Variants in CACNA1G observed in about 807,000 individuals in gnomAD.
CACNA1G encodes calcium voltage-gated channel subunit alpha1 G, also known as voltage-dependent T-type calcium channel subunit alpha-1G.
A neutral mutation model predicts 219.4 loss-of-function variants in CACNA1G; 67 were observed. The observed-to-expected ratio is 0.31, with a 90% CI of 0.25 to 0.37. CACNA1G has a LOEUF of 0.37. CACNA1G is among the 10% of genes least tolerant of loss of function. The probability of loss-of-function intolerance (pLI) is 1.00; values close to 1 mark genes in which losing one functional copy is unlikely to be tolerated. For synonymous variants in CACNA1G, 1,296 were observed against 1,345.3 expected (o/e 0.96, Z 0.80); for missense variants, 2,380 against 3,231.4 (o/e 0.74, Z 6.39).
At chr17:50,563,972 C>T (rs545955075) in intron 1 of CACNA1G, among the ~76,000 whole-genome samples, 42 of 152,258 alleles carry the variant, frequency 2.8e-4, no homozygotes, top group African/African-American at 1.0e-3. Flanking sequence ...AGGAGGGTCC[C>T]TGTACGCCTC....
chr17:50,594,856 T>C (rs943985907), intron 13 of CACNA1G, 137 bp from the exon 14 acceptor site: 1 of 613,808 alleles, frequency 1.6e-6, no homozygotes, highest in Non-Finnish European at 3.0e-6. Flanking sequence ...TGCCCCCCCA[T>C]TCCCCGTGTC....
chr17:50,567,800 G>A (rs981298955), intron 1 of CACNA1G, among the ~76,000 whole-genome samples: 32 of 152,268 alleles, frequency 2.1e-4, no homozygotes, highest in African/African-American at 5.1e-4. Context: ...TCCGGAGGCC[G>A]TTTTGTACAT....
At chr17:50,624,929 A>G (rs1001301103) in intron 37 of CACNA1G, among the ~76,000 whole-genome samples, 1 of 145,302 alleles carries the variant, frequency 6.9e-6, no homozygotes, top group Non-Finnish European at 1.5e-5. Context: ...GGCCAAGCCT[A>G]GGGCCCACCT....
chr17:50,573,233 G>A, intron 7 of CACNA1G, 120 bp downstream of exon 7: 1 of 709,068 alleles, frequency 1.4e-6, no homozygotes. Context: ...AAGTCCTGTA[G>A]AGAGGGCATC....
chr17:50,561,833 G>C (rs531288234), intron 1 of CACNA1G, 132 bp downstream of exon 1: 3 of 449,576 alleles, frequency 6.7e-6, no homozygotes, highest in East Asian at 6.7e-5. Flanking sequence ...GATGGGGGGG[G>C]GGCTGCCAGG....
At chr17:50,564,341 C>T (rs1019915383) in intron 1 of CACNA1G, among the ~76,000 whole-genome samples, 3 of 151,962 alleles carry the variant, frequency 2.0e-5, no homozygotes, top group African/African-American at 7.3e-5. Context: ...TCCGCATTCC[C>T]TCTCTGGCTG....
At chr17:50,619,464 C>G (rs1195476371) in intron 33 of CACNA1G, among the ~76,000 whole-genome samples, 1 of 152,056 alleles carries the variant, frequency 6.6e-6, no homozygotes, top group Non-Finnish European at 1.5e-5. Flanking sequence ...TCCCATCTCT[C>G]CTTCCTCCTT....
intron 26 of CACNA1G, among the ~76,000 whole-genome samples, chr17:50,612,633 C>T (rs142198244): frequency 1.7e-4 from 26 of 152,352 alleles, no homozygotes; most frequent in African/African-American, 5.5e-4. Context: ...CATTGCCACT[C>T]CCCTTTGCAA....
intron 8 of CACNA1G, 26 bp downstream of exon 8, chr17:50,576,352 G>C (rs752514138): frequency 2.6e-6 from 4 of 1,556,376 alleles, no homozygotes; most frequent in Non-Finnish European, 2.6e-6. Flanking sequence ...GGAGGCATGT[G>C]GGTGCCCTCG....
chr17:50,589,565 G>A lies in CACNA1G; in HGVS notation c.2302-906G>A, dbSNP rs532962540. On this transcript the variant is annotated intron_variant, in intron 9 of 37. Coordinates refer to ENST00000359106, the MANE Select transcript of CACNA1G (RefSeq NM_018896.5). ...CATTGCTAGGCACTTCATATTGAAAGCGAGGTCACTAGTGAGCTGGAATGG... is the reference window on the plus strand; with the variant it reads ...CATTGCTAGGCACTTCATATTGAAAACGAGGTCACTAGTGAGCTGGAATGG... Among the ~76,000 whole-genome samples the A allele has an allele frequency of 1.9e-4, 29 of 152,158 alleles. No homozygotes were observed. In the East Asian group the frequency reaches 2.1e-3, roughly 11 times the overall value.
rs1423890643 is a variant in CACNA1G at position 50,626,997 on chromosome 17, G to A, written c.*246G>A. On this transcript the variant is annotated 3_prime_UTR_variant, in exon 38 of 38. Coordinates refer to ENST00000359106, the MANE Select transcript of CACNA1G (RefSeq NM_018896.5). The surrounding 1 kb of genome is among the most constrained non-coding windows in gnomAD (Gnocchi z 4.3). ...GCAGCTGAGGTTCCCGACACCAGAA[G>A]CTGTTGGGAGAAAGCAATACGTTTG... The A allele has an allele frequency of 3.0e-6, 2 of 674,538 alleles. No individual in the cohort carries two copies. Among genetic ancestry groups the A allele is most frequent in the South Asian group, 3.0e-5 (2 of 66,776 alleles). The allele number at this position is 674,538 out of a possible 1,614,324, so 41.8% of individuals were successfully genotyped here.
Position 50,572,593 on chromosome 17 carries a change from G to C in CACNA1G, c.786G>C (p.Glu262Asp). The change falls in exon 6 of 38, where the codon GAG (glutamate) becomes GAC (aspartate). Residue 262 changes from glutamate to aspartate, a missense_variant. Transcript: ENST00000359106. ...ACCTGGAGCGCTATTACCAGACAGA[G>C]AACGAGGATGAGAGCCCCTTCATCT... ...SVDLERYYQTENEDESPFICS... is the reference protein window; with the variant it reads ...SVDLERYYQTDNEDESPFICS... 1 of 1,583,326 alleles carries C rather than the reference G, an allele frequency of 6.3e-7. No individual in the cohort carries two copies. Among genetic ancestry groups the C allele is most frequent in the African/African-American group, 1.3e-5 (1 of 74,258 alleles).
chr17:50,604,515 T>C (rs1443914007), intron 22 of CACNA1G, among the ~76,000 whole-genome samples: 1 of 152,238 alleles, frequency 6.6e-6, no homozygotes, highest in Non-Finnish European at 1.5e-5. Flanking sequence ...CTTCAGGCCA[T>C]GGGAGCCGCA....
rs1187046227 is a variant in CACNA1G, at chr17:50,572,772, A to G, written c.965A>G (p.Asn322Ser). 5 of 1,613,876 alleles carry G rather than the reference A, an allele frequency of 3.1e-6. No homozygotes were observed. Among genetic ancestry groups the G allele is most frequent in the East Asian group, 2.2e-5 (1 of 44,894 alleles). Residue 322 changes from asparagine (N) to serine (S), a missense_variant, in exon 6 of 38, where the codon AAC (asparagine) becomes AGC (serine). Asn to Ser is a conservative substitution (Grantham distance 46, BLOSUM62 1). This residue lies in a region of CACNA1G where 72 missense variants were observed against 175.8 expected (regional missense o/e 0.41). Transcript: ENST00000359106. ...GTCAACTGGAACCAGTACTACACCAACTGCTCAGCGGGGGAGCACAACCCC... is the reference window on the plus strand; with the variant it reads ...GTCAACTGGAACCAGTACTACACCAGCTGCTCAGCGGGGGAGCACAACCCC... Reference protein sequence around the residue: ...TCVNWNQYYTNCSAGEHNPFK... With the variant: ...TCVNWNQYYTSCSAGEHNPFK...
At chr17:50,569,133 TCA>T (rs1349309994) in intron 2 of CACNA1G, 30 bp from the exon 3 acceptor site, 1 of 1,608,788 alleles carries the variant, frequency 6.2e-7, no homozygotes, top group African/African-American at 1.3e-5. Context: ...CACCCACGTC[TCA>T]GTTTCAGCCA....
At chr17:50,590,376 C>A in intron 9 of CACNA1G, 95 bp from the exon 10 acceptor site, 2 of 1,387,338 alleles carry the variant, frequency 1.4e-6, no homozygotes, top group South Asian at 1.2e-5. Flanking sequence ...GCTTGCTATT[C>A]CTGCTCCTCC....
Position 50,600,737 on chromosome 17 carries a change from A to G in CACNA1G, c.3702A>G (p.Glu1234=), listed in dbSNP as rs1255420184. 1.2e-6 allele frequency: 2 copies of G among 1,613,352 alleles called. No individual in the cohort carries two copies. Among genetic ancestry groups the G allele is most frequent in the Non-Finnish European group, 1.7e-6 (2 of 1,179,674 alleles). Reference sequence around the variant, plus strand: ...TGTTTGTTCTGCAGAGCAAAGGGGAACGGGTCCGCGCGTGGATCCGAGCCC... The same window carrying G: ...TGTTTGTTCTGCAGAGCAAAGGGGAGCGGGTCCGCGCGTGGATCCGAGCCC... ...ADDEGNLSKG[E]RVRAWIRARL... is the part of the protein sequence containing the mutation. The change falls in exon 18 of 38, where the codon GAA becomes GAG. Residue 1234 remains glutamate (E), a synonymous_variant. Transcript: ENST00000359106. The surrounding 1 kb of genome is among the most constrained non-coding windows in gnomAD (Gnocchi z 4.1).
Position 50,599,630 on chromosome 17 carries a change from C to T in CACNA1G, c.3461C>T (p.Ala1154Val), listed in dbSNP as rs753357544. 6.2e-6 allele frequency: 10 copies of T among 1,612,724 alleles called. No individual in the cohort carries two copies. Among genetic ancestry groups the T allele is most frequent in the Admixed American group, 3.3e-5 (2 of 59,846 alleles). ...TCAGAAGAGGAGCGGGCCAGCCCTGCGGGCAGTGACCATCGCCACAGGGGG... is the reference window on the plus strand; with the variant it reads ...TCAGAAGAGGAGCGGGCCAGCCCTGTGGGCAGTGACCATCGCCACAGGGGG... ...ESSEEERASP[A>V]GSDHRHRGSL... Residue 1154 changes from alanine (A) to valine (V), a missense_variant, in exon 17 of 38, where the codon GCG becomes GTG. Ala to Val is a moderately conservative substitution (Grantham distance 64). Coordinates refer to ENST00000359106, the MANE Select transcript of CACNA1G (RefSeq NM_018896.5).
At chr17:50,604,959 G>T (rs1035071504) in intron 22 of CACNA1G, among the ~76,000 whole-genome samples, 1 of 151,564 alleles carries the variant, frequency 6.6e-6, no homozygotes, top group African/African-American at 2.4e-5. Context: ...CCCGCCCCTC[G>T]TTCCCTTGGC....
Sources: gnomAD v4.1 joint callset for allele counts (sites outside exome capture counted in the v4.1 genomes callset) on GRCh38, gnomAD v4.1.1 for gene constraint, gnomAD v4.1.1 regional missense constraint, Gnocchi (gnomAD v3.1) non-coding constraint, MANE v1.5 for transcripts, NCBI Gene and HGNC (gene_info 2026-07-23, HGNC 2026-07-21) for gene names.